The following MGAM variants were observed in gnomAD, a reference collection of about 807,000 sequenced individuals.
MGAM encodes alpha-1,4-glucosidase.
In MGAM, 253 loss-of-function variants were observed where a neutral mutation model predicts 358.8. The observed-to-expected ratio is 0.71, with a 90% CI of 0.64 to 0.78. The LOEUF is 0.78. Ranked by LOEUF, MGAM falls within the 30% of genes least tolerant of loss-of-function variation. MGAM has a pLI of 0.00. For missense variants in MGAM, 3,080 were observed against 3,432.6 expected, an observed-to-expected ratio of 0.90 and a Z score of 2.57; for synonymous variants, 1,105 against 1,227.1, an observed-to-expected ratio of 0.90 and a Z score of 2.08.
Position 142,052,790 on chromosome 7 carries a change from A to C in MGAM, c.2965A>C (p.Asn989His). Residue 989 changes from asparagine (N) to histidine (H), a missense_variant, in exon 26 of 71, where the codon AAT becomes CAT. Coordinates refer to ENST00000475668, the MANE Select transcript of MGAM (RefSeq NM_001365693.1). ...CTTTGGCCTTACTTTTCAGGCATCC[A>C]ATTCTTCTGGAGTCCCTTTTTGCTA... ...TARGCIWEASNSSGVPFCYFV... is the reference protein window; with the variant it reads ...TARGCIWEASHSSGVPFCYFV... 1 of 1,613,776 alleles carries C rather than the reference A, an allele frequency of 6.2e-7. No individual in the cohort carries two copies. The highest frequency in any genetic ancestry group is 8.5e-7 in the Non-Finnish European group (1 of 1,179,762).
At chr7:142,096,149 AG>A (rs763969809) in intron 64 of MGAM, 181 bp from the exon 65 acceptor site, 49 of 643,026 alleles carry the variant, frequency 7.6e-5, no homozygotes, top group Non-Finnish European at 1.3e-4. Flanking sequence ...CTGAAGTTTG[AG>A]GCACATCCCA....
At position 142,080,792 on chromosome 7, in the gene MGAM, T is replaced by C; in HGVS notation, c.5849T>C (p.Ile1950Thr). Reference sequence around the variant, plus strand: ...TAAAATCGTTTTCCTCTGGCCTAGATTTATGATCCCAACAACAATCGGTAT... The same window carrying C: ...TAAAATCGTTTTCCTCTGGCCTAGACTTATGATCCCAACAACAATCGGTAT... ...YHKNEMLQFK[I>T]YDPNNNRYEV... Residue 1950 changes from isoleucine to threonine, a missense_variant and splice_region_variant, in exon 50 of 71, where the codon ATT becomes ACT. Coordinates refer to ENST00000475668, the MANE Select transcript of MGAM (RefSeq NM_001365693.1). The C allele has an allele frequency of 1.3e-6, 2 of 1,553,556 alleles. 1 individual carries two copies. The highest frequency in any genetic ancestry group is 1.8e-6 in the Non-Finnish European group (2 of 1,130,910).
rs13247647 is a variant in MGAM, at chr7:142,041,949, C to T, written c.2498+1103C>T. 8.1e-3 allele frequency among the ~76,000 whole-genome samples: 90 copies of T among 11,066 alleles called. 3 individuals are homozygous for T. Among genetic ancestry groups the T allele is most frequent in the South Asian group, 0.018 (8 of 454 alleles). The allele number at this position is 11,066 out of a possible 152,430, so 7.3% of individuals were successfully genotyped here. A position where few individuals can be genotyped will look rare whatever the true frequency, so the allele number is the denominator to read the frequency against. ...ATATAATATATATATTATATATATA[C>T]ATATATATAATATATATATATTATA... On this transcript the variant is annotated intron_variant, in intron 21 of 70. Coordinates refer to ENST00000475668, the MANE Select transcript of MGAM (RefSeq NM_001365693.1).
In MGAM at chr7:142,043,051, C is replaced by A. The variant is rs183303302; in HGVS notation, c.2498+2205C>A. 6.6e-3 allele frequency among the ~76,000 whole-genome samples: 487 copies of A among 73,786 alleles called. 32 individuals carry two copies. Among genetic ancestry groups the A allele is most frequent in the African/African-American group, 0.028 (365 of 12,938 alleles). The allele number at this position is 73,786 out of a possible 152,430, so 48.4% of individuals were successfully genotyped here. The stretch of plus-strand genomic sequence containing the variant: ...TAAACATAATATCTAAATATAATAT[C>A]TATATTATATATACATATAATATCT... On this transcript the variant is annotated intron_variant, in intron 21 of 70. Coordinates refer to ENST00000475668, the MANE Select transcript of MGAM (RefSeq NM_001365693.1).
At position 142,038,619 on chromosome 7, in the gene MGAM, A is replaced by G. The variant is rs78271722; in HGVS notation, c.2316+4A>G. On this transcript the variant is annotated splice_donor_region_variant and intron_variant, in intron 19 of 70. Coordinates refer to ENST00000475668, the MANE Select transcript of MGAM (RefSeq NM_001365693.1). ...CATCACTCCAGTTCTGGATGAAGTA[A>G]GTGTTCCCACAGAGATACACTAGAG... 1,019 of 1,603,018 alleles carry G rather than the reference A, an allele frequency of 6.4e-4. 2 individuals are homozygous for G. The African/African-American group carries it at 0.013, about 20-fold the overall frequency.
chr7:142,065,437 C>A lies in MGAM; in HGVS notation c.4587C>A (p.Ala1529=). The stretch of plus-strand genomic sequence containing the variant: ...GACATTGGCTGGGAGACAACACGGC[C>A]GCATGGGATCAGCTGAAGAAGTCTA... The part of the protein sequence containing the change: ...WAGHWLGDNT[A]AWDQLKKSII... Residue 1529 remains alanine, a synonymous_variant, in exon 38 of 71, where the codon GCC becomes GCA. Coordinates refer to ENST00000475668, the MANE Select transcript of MGAM (RefSeq NM_001365693.1). 1 of 1,609,914 alleles carries A rather than the reference C, an allele frequency of 6.2e-7. No homozygotes were observed. Among genetic ancestry groups the A allele is most frequent in the Non-Finnish European group, 8.5e-7 (1 of 1,178,026 alleles).
In MGAM at chr7:142,060,380, G is replaced by T. The variant is rs1214162860; in HGVS notation, c.4122+7G>T. ...CTGGGACAGCCAAGTGGAGGTAAAA[G>T]GGTGTTTGTAAATTTGGGTGGAGTC... On this transcript the variant is annotated splice_region_variant and intron_variant, in intron 34 of 70. Transcript: ENST00000475668. The T allele has an allele frequency of 2.5e-6, 4 of 1,613,976 alleles. No individual in the cohort carries two copies. Among genetic ancestry groups the T allele is most frequent in the Admixed American group, 1.7e-5 (1 of 60,032 alleles).
chr7:142,099,686 G>A lies in MGAM; in HGVS notation c.7823G>A (p.Arg2608His), dbSNP rs781602751. The change falls in exon 67 of 71, where the codon CGT becomes CAT. Residue 2608 changes from arginine (R) to histidine (H), a missense_variant. Physicochemically the swap from Arg to His is conservative, Grantham distance 29. This residue lies in a region of MGAM where 932 missense variants were observed against 1,198.2 expected (regional missense o/e 0.78). Transcript: ENST00000475668. ...APLDHINLHV[R>H]GGYILPWQEP... is the part of the protein sequence containing the mutation. ...CTTGACCACATTAATCTTCATGTCCGTGGGGGCTACATCCTGCCCTGGCAA... is the reference window on the plus strand; with the variant it reads ...CTTGACCACATTAATCTTCATGTCCATGGGGGCTACATCCTGCCCTGGCAA... The A allele has an allele frequency of 1.3e-5, 21 of 1,613,854 alleles. No individual in the cohort carries two copies. The highest frequency in any genetic ancestry group is 1.1e-4 in the African/African-American group (8 of 74,918).
Position 142,065,722 on chromosome 7 carries a change from C to A in MGAM, c.4661C>A (p.Ala1554Glu), listed in dbSNP as rs369348289. Residue 1554 changes from alanine to glutamate, a missense_variant, in exon 40 of 71, where the codon GCA becomes GAA. Coordinates refer to ENST00000475668, the MANE Select transcript of MGAM (RefSeq NM_001365693.1). ...TATTTCCTCTTGTTTCAGACGGGAG[C>A]AGATATCTGTGGGTTCTTTCAAGAC... ...FSLFGISYTG[A>E]DICGFFQDAE... 1.7e-5 allele frequency: 27 copies of A among 1,582,450 alleles called. 2 individuals are homozygous for A. The highest frequency in any genetic ancestry group is 2.3e-5 in the Non-Finnish European group (26 of 1,153,984).
At chr7:142,033,703 G>A (rs1554464739) in intron 14 of MGAM, among the ~76,000 whole-genome samples, 1 of 152,108 alleles carries the variant, frequency 6.6e-6, no homozygotes, top group East Asian at 1.9e-4. Flanking sequence ...TTGGAAATAT[G>A]AACCTGACAT....
At position 142,092,022 on chromosome 7, in the gene MGAM, G is replaced by C. The variant is rs1815434534; in HGVS notation, c.6920G>C (p.Ser2307Thr). The change falls in exon 58 of 71, where the codon AGC becomes ACC. Residue 2307 changes from serine (S) to threonine (T), a missense_variant. Coordinates refer to ENST00000475668, the MANE Select transcript of MGAM (RefSeq NM_001365693.1). ...LYNNPQNPER[S>T]LKFDGMWIDM... ...AACAATCCACAGAATCCAGAGAGGAGCTTGAAGTTTGATGGCATGTGGATT... is the reference window on the plus strand; with the variant it reads ...AACAATCCACAGAATCCAGAGAGGACCTTGAAGTTTGATGGCATGTGGATT... The C allele has an allele frequency of 1.3e-6, 2 of 1,538,016 alleles. No individual in the cohort carries two copies. The highest frequency in any genetic ancestry group is 3.6e-5 in the Admixed American group (2 of 55,968).
chr7:142,084,453 A>G (rs1424195604), intron 53 of MGAM, 66 bp from the exon 54 acceptor site: 2 of 1,474,822 alleles, frequency 1.4e-6, no homozygotes, highest in Non-Finnish European at 1.9e-6. Flanking sequence ...TATTCTTATT[A>G]CTTGATGTAA....
At chr7:142,042,606 TATA>T (rs1301718094) in intron 21 of MGAM, among the ~76,000 whole-genome samples, 1 of 38,526 alleles carries the variant, frequency 2.6e-5, no homozygotes, top group Non-Finnish European at 4.8e-5. Flanking sequence ...ATATATAATA[TATA>T]ATATATATTA....
chr7:142,016,124 T>G (rs531224260), intron 3 of MGAM, among the ~76,000 whole-genome samples: 77 of 152,270 alleles, frequency 5.1e-4, no homozygotes, highest in African/African-American at 1.8e-3. Flanking sequence ...GCTTTTGACA[T>G]AAAGTACTTT....
intron 19 of MGAM, among the ~76,000 whole-genome samples, chr7:142,039,466 G>C (rs182594797): frequency 1.7e-3 from 254 of 151,972 alleles, no homozygotes; most frequent in African/African-American, 5.9e-3. Flanking sequence ...CAGAACCAAG[G>C]GAATGGTGTA....
rs768118877 is a variant in MGAM, at chr7:142,063,550, A to G, written c.4309A>G (p.Arg1437Gly). 21 of 1,613,656 alleles carry G rather than the reference A, an allele frequency of 1.3e-5. No homozygotes were observed. The highest frequency in any genetic ancestry group is 1.8e-5 in the Non-Finnish European group (21 of 1,179,808). Residue 1437 changes from arginine to glycine, a missense_variant, in exon 36 of 71, where the codon AGG (arginine) becomes GGG (glycine). Transcript: ENST00000475668. ...GAATGGGGCAGTTTCTCCAGGCTGC[A>G]GGGACGCCTCTCTGAACCACCCTCC... The part of the protein sequence containing the change: ...FVNGAVSPGC[R>G]DASLNHPPYM...
intron 18 of MGAM, among the ~76,000 whole-genome samples, 168 bp downstream of exon 18, chr7:142,037,145 A>G (rs564179538): frequency 6.6e-6 from 1 of 152,130 alleles, no homozygotes. Flanking sequence ...CTATCTATCT[A>G]TCTAACTGGA....
At chr7:142,050,173 G>A (rs1041476105) in intron 22 of MGAM, 62 bp from the exon 23 acceptor site, 1 of 1,533,652 alleles carries the variant, frequency 6.5e-7, no homozygotes, top group Admixed American at 1.7e-5. Context: ...GAGTGGTAGG[G>A]TGAAATCTGT....
At chr7:142,094,575 C>T (rs778723749) in intron 61 of MGAM, 45 bp from the exon 62 acceptor site, 6 of 1,546,624 alleles carry the variant, frequency 3.9e-6, no homozygotes, top group African/African-American at 2.7e-5. Flanking sequence ...GGAGGCAGGT[C>T]GTGAGAGCGA....
Sources: allele counts gnomAD v4.1 joint callset (sites outside exome capture counted in the v4.1 genomes callset), GRCh38; gene constraint gnomAD v4.1.1; regional missense constraint gnomAD v4.1.1; transcripts MANE v1.5; gene names NCBI Gene and HGNC (gene_info 2026-07-23, HGNC 2026-07-21).